The following BACE2 variants were observed in gnomAD, a reference collection of about 807,000 sequenced individuals.
BACE2 encodes 56 kDa aspartic-like protease.
Under a neutral mutation model 46.2 loss-of-function variants are expected in BACE2, and 17 were observed. The observed-to-expected ratio is 0.37, with a 90% CI of 0.25 to 0.55. The LOEUF is 0.55. Ranked by LOEUF, BACE2 falls within the 20% of genes least tolerant of loss-of-function variation. The pLI is 0.82. For synonymous variants in BACE2, 277 were observed against 295.9 expected (o/e 0.94, Z 0.66); for missense variants, 595 against 698.1 (o/e 0.85, Z 1.66).
At chr21:41,232,826 G>T (rs1399764321) in intron 2 of BACE2, among the ~76,000 whole-genome samples, 1 of 151,428 alleles carries the variant, frequency 6.6e-6, no homozygotes, top group Non-Finnish European at 1.5e-5. Context: ...TCACCCTTGG[G>T]TATTCCTTTA....
At chr21:41,188,951 C>T (rs1021278077) in intron 1 of BACE2, among the ~76,000 whole-genome samples, 1 of 152,214 alleles carries the variant, frequency 6.6e-6, no homozygotes, top group African/African-American at 2.4e-5. Context: ...CATCAGAGGC[C>T]TGCCCAGAAG....
At chr21:41,202,570 G>C (rs1382435157) in intron 1 of BACE2, among the ~76,000 whole-genome samples, 1 of 152,186 alleles carries the variant, frequency 6.6e-6, no homozygotes, top group Non-Finnish European at 1.5e-5. Flanking sequence ...ATAGGCCATC[G>C]CTCCTGGCAC....
intron 1 of BACE2, among the ~76,000 whole-genome samples, chr21:41,200,005 C>T (rs1307456027): frequency 7.3e-6 from 1 of 137,506 alleles, no homozygotes; most frequent in South Asian, 2.3e-4. Flanking sequence ...CACATGGGCA[C>T]AGGAAGGGGA....
At position 41,172,863 on chromosome 21, in the gene BACE2, C is replaced by T. The variant is rs536066280; in HGVS notation, c.312+4288C>T. ...GCAGGCCAGAGTTCAAAAAGCAAGGCGACAGCAGAAACACTGTCCCTCCGG... is the reference window on the plus strand; with the variant it reads ...GCAGGCCAGAGTTCAAAAAGCAAGGTGACAGCAGAAACACTGTCCCTCCGG... On this transcript the variant is annotated intron_variant, in intron 1 of 8. Transcript: ENST00000330333. 5.9e-5 allele frequency among the ~76,000 whole-genome samples: 9 copies of T among 152,300 alleles called. No homozygotes were observed. The South Asian group carries it at 1.2e-3, about 21-fold the overall frequency.
Position 41,243,440 on chromosome 21 carries a change from A to G in BACE2, c.812A>G (p.Glu271Gly). ...GDIWYTPIKE[E>G]WYYQIEILKL... ...ATCTGGTATACCCCTATTAAGGAAG[A>G]GTGGTACTACCAGATAGAAATTCTG... Residue 271 changes from glutamate (E) to glycine (G), a missense_variant, in exon 5 of 9, where the codon GAG becomes GGG. Coordinates refer to ENST00000330333, the MANE Select transcript of BACE2 (RefSeq NM_012105.5). 1 of 1,613,098 alleles carries G rather than the reference A, an allele frequency of 6.2e-7. No individual in the cohort carries two copies.
chr21:41,241,543 G>A (rs1231457719), intron 3 of BACE2, among the ~76,000 whole-genome samples: 4 of 152,154 alleles, frequency 2.6e-5, no homozygotes, highest in Admixed American at 1.3e-4. Context: ...TCACAAGGCA[G>A]TCATGATGAT....
intron 1 of BACE2, among the ~76,000 whole-genome samples, chr21:41,207,572 G>C (rs2123539836): frequency 6.6e-6 from 1 of 152,246 alleles, no homozygotes; most frequent in South Asian, 2.1e-4. Flanking sequence ...TGGGACAGTG[G>C]CATGCTCTAT....
chr21:41,176,858 C>T (rs1984866999), intron 1 of BACE2: 1 of 152,170 alleles, frequency 6.6e-6, no homozygotes, highest in Non-Finnish European at 1.5e-5. Context: ...AAAAGACATA[C>T]AAAATACAAG....
At chr21:41,179,794 T>C in intron 1 of BACE2, 1 of 555,482 alleles carries the variant, frequency 1.8e-6, no homozygotes, top group South Asian at 1.8e-5. Context: ...TATTGTGTGT[T>C]TTATTCAACA....
chr21:41,282,005 T>C lies in BACE2; in HGVS notation c.*6381T>C, dbSNP rs766210693. ...GCTGTTAATTTGCATTGTTAAAAAT[T>C]CTTAAAGTTTAATATGTTATGTTCA... On this transcript the variant is annotated 3_prime_UTR_variant, in exon 9 of 9. Transcript: ENST00000330333. 5 of 152,232 alleles carry C rather than the reference T, an allele frequency of 3.3e-5. No homozygotes were observed. The highest frequency in any genetic ancestry group is 4.8e-5 in the African/African-American group (2 of 41,462). 9.4% of individuals were successfully genotyped at this position (152,232 alleles called of 1,614,324 possible). A position where few individuals can be genotyped will look rare whatever the true frequency, so the allele number is the denominator to read the frequency against.
At chr21:41,270,534 C>T (rs959489179) in intron 8 of BACE2, among the ~76,000 whole-genome samples, 9 of 152,088 alleles carry the variant, frequency 5.9e-5, no homozygotes, top group African/African-American at 1.2e-4. Flanking sequence ...CTCCTACCAC[C>T]GTCGCCTAAA....
At chr21:41,201,280 T>C (rs533786375) in intron 1 of BACE2, among the ~76,000 whole-genome samples, 10 of 152,202 alleles carry the variant, frequency 6.6e-5, no homozygotes, top group African/African-American at 9.6e-5. Flanking sequence ...GCTCTGATCG[T>C]AGTAGAGGTG....
At chr21:41,208,500 G>T (rs1986199128) in intron 1 of BACE2, among the ~76,000 whole-genome samples, 1 of 152,198 alleles carries the variant, frequency 6.6e-6, no homozygotes, top group South Asian at 2.1e-4. Context: ...TTCCCAGGGG[G>T]AGGCCTGTGT....
At chr21:41,215,121 G>T (rs1255682840) in intron 1 of BACE2, among the ~76,000 whole-genome samples, 1 of 152,170 alleles carries the variant, frequency 6.6e-6, no homozygotes, top group African/African-American at 2.4e-5. Flanking sequence ...GCCATGGAGA[G>T]CTGAGGCAGA....
At chr21:41,220,417 G>T (rs1461348951) in intron 1 of BACE2, among the ~76,000 whole-genome samples, 1 of 152,160 alleles carries the variant, frequency 6.6e-6, no homozygotes, top group Non-Finnish European at 1.5e-5. Context: ...ATCCCGCCTT[G>T]CTCTTTCTGG....
At chr21:41,246,442 G>A (rs1461136146) in intron 6 of BACE2, among the ~76,000 whole-genome samples, 3 of 152,086 alleles carry the variant, frequency 2.0e-5, no homozygotes, top group African/African-American at 7.2e-5. Context: ...AACAATACTT[G>A]CTAATATAGC....
chr21:41,271,489 G>A (rs894852449), intron 8 of BACE2, among the ~76,000 whole-genome samples: 1 of 152,176 alleles, frequency 6.6e-6, no homozygotes, highest in Admixed American at 6.5e-5. Context: ...TTTAATGTAT[G>A]ATTGATATGT....
intron 1 of BACE2, among the ~76,000 whole-genome samples, chr21:41,185,811 G>T (rs1053270023): frequency 4.6e-5 from 7 of 152,186 alleles, no homozygotes; most frequent in Admixed American, 2.6e-4. Context: ...GTGAACCCAA[G>T]ACCAGGTTAC....
Position 41,275,567 on chromosome 21 carries a change from C to T in BACE2, c.1500C>T (p.Pro500=), listed in dbSNP as rs2088478252. 6.2e-7 allele frequency: 1 copy of T among 1,614,082 alleles called. No individual in the cohort carries two copies. Residue 500 remains proline, a synonymous_variant, in exon 9 of 9, where the codon CCC becomes CCT. Transcript: ENST00000330333. ...TGCCGTTCCGGTGTCAGCGTCGCCC[C>T]CGTGACCCTGAGGTCGTCAATGATG... ...LLLPFRCQRR[P]RDPEVVNDES...
Sources: gnomAD v4.1 joint callset for allele counts (sites outside exome capture counted in the v4.1 genomes callset) on GRCh38, gnomAD v4.1.1 for gene constraint, MANE v1.5 for transcripts, NCBI Gene and HGNC (gene_info 2026-07-23, HGNC 2026-07-21) for gene names.